The following TAFA2 variants were observed in gnomAD, a reference collection of about 807,000 sequenced individuals.
TAFA2 encodes chemokine-like protein TAFA-2.
Under a neutral mutation model 18.8 loss-of-function variants are expected in TAFA2, and 7 were observed. The observed-to-expected ratio is 0.37, with a 90% CI of 0.21 to 0.70. TAFA2 has a LOEUF of 0.70. Among genes scored for constraint, TAFA2 ranks in the 30% least tolerant of loss-of-function variants. TAFA2 has a pLI of 0.53. For missense variants in TAFA2, 122 were observed against 158.1 expected (o/e 0.77, Z 1.23); for synonymous variants, 60 against 54.2 (o/e 1.11, Z -0.47).
At chr12:61,876,551 C>G (rs1046881031) in intron 1 of TAFA2, among the ~76,000 whole-genome samples, 10 of 152,164 alleles carry the variant, frequency 6.6e-5, no homozygotes, top group Admixed American at 1.3e-4. Flanking sequence ...AAACATGGAA[C>G]CTCCTCCTCA....
At chr12:61,750,766 T>C (rs1398869597) in intron 4 of TAFA2, among the ~76,000 whole-genome samples, 2 of 152,154 alleles carry the variant, frequency 1.3e-5, no homozygotes, top group Admixed American at 6.6e-5. Context: ...GTGTACATTA[T>C]TGCATATTTT....
intron 1 of TAFA2, among the ~76,000 whole-genome samples, chr12:62,030,629 G>A (rs1881432371): frequency 6.6e-6 from 1 of 152,160 alleles, no homozygotes; most frequent in African/African-American, 2.4e-5. Flanking sequence ...GCAACCTTAG[G>A]GAGAGCCAGT....
chr12:62,016,712 G>A (rs1040968024), intron 1 of TAFA2, among the ~76,000 whole-genome samples: 5 of 152,074 alleles, frequency 3.3e-5, no homozygotes, highest in South Asian at 2.1e-4. Flanking sequence ...CATTCATACC[G>A]ATAGCAAAAC....
chr12:62,114,241 G>C (rs1307887618), intron 1 of TAFA2, among the ~76,000 whole-genome samples: 1 of 152,182 alleles, frequency 6.6e-6, no homozygotes, highest in East Asian at 1.9e-4. Context: ...TTGGCTAGGG[G>C]AGGGAGTTCC....
chr12:61,739,973 A>G (rs1052538836), intron 4 of TAFA2, among the ~76,000 whole-genome samples: 2 of 152,262 alleles, frequency 1.3e-5, no homozygotes, highest in South Asian at 4.1e-4. Flanking sequence ...AACTCTCCTC[A>G]CAATTACTCA....
chr12:61,719,310 A>G (rs553710687), intron 4 of TAFA2, among the ~76,000 whole-genome samples: 1 of 152,286 alleles, frequency 6.6e-6, no homozygotes, highest in South Asian at 2.1e-4. Context: ...GACATAAACA[A>G]TTGCCAGCCA....
In TAFA2 at chr12:61,710,037, G is replaced by C. The variant is rs1433999789; in HGVS notation, c.*369C>G. ...CAGGACAGAAGGACAGTGCACTTGG[G>C]ATACAGCTTGCAGAAACAAGAAAAG... is the stretch of plus-strand genomic sequence containing the variant. On this transcript the variant is annotated 3_prime_UTR_variant, in exon 5 of 5. Transcript: ENST00000416284. The C allele has an allele frequency of 8.5e-6, 2 of 234,032 alleles. No homozygotes were observed. Among genetic ancestry groups the C allele is most frequent in the African/African-American group, 4.6e-5 (2 of 43,690 alleles). The allele number at this position is 234,032 out of a possible 1,614,324, so 14.5% of individuals were successfully genotyped here.
At chr12:62,054,622 G>T (rs915705073) in intron 1 of TAFA2, among the ~76,000 whole-genome samples, 2 of 152,154 alleles carry the variant, frequency 1.3e-5, no homozygotes, top group Non-Finnish European at 2.9e-5. Context: ...AATAAAAATG[G>T]ATCAGTTCAT....
chr12:62,180,778 G>A (rs2062546826), intron 1 of TAFA2, among the ~76,000 whole-genome samples: 2 of 151,616 alleles, frequency 1.3e-5, no homozygotes, highest in African/African-American at 4.9e-5. Context: ...TGGTATCATG[G>A]TCAATAATGT....
At chr12:62,218,849 A>G (rs1328250391) in intron 1 of TAFA2, among the ~76,000 whole-genome samples, 3 of 152,200 alleles carry the variant, frequency 2.0e-5, no homozygotes, top group Non-Finnish European at 4.4e-5. Context: ...TCTATTTACC[A>G]AAGATATTCT....
intron 4 of TAFA2, among the ~76,000 whole-genome samples, chr12:61,723,976 C>T (rs1870021433): frequency 1.3e-5 from 2 of 152,056 alleles, no homozygotes; most frequent in South Asian, 4.1e-4. Context: ...TATGGTGGTG[C>T]AAATGAAATA....
At chr12:61,844,830 T>A (rs1226003819) in intron 2 of TAFA2, among the ~76,000 whole-genome samples, 1 of 152,168 alleles carries the variant, frequency 6.6e-6, no homozygotes, top group Non-Finnish European at 1.5e-5. Flanking sequence ...AGATGGTATG[T>A]TGTTGTCTGC....
intron 1 of TAFA2, among the ~76,000 whole-genome samples, chr12:61,906,116 C>A (rs1471473357): frequency 6.6e-6 from 1 of 152,108 alleles, no homozygotes; most frequent in Admixed American, 6.5e-5. Flanking sequence ...TTAGCAAATA[C>A]AAAAGAGCCA....
intron 1 of TAFA2, among the ~76,000 whole-genome samples, chr12:62,124,944 C>G (rs1372766273): frequency 6.6e-6 from 1 of 152,024 alleles, no homozygotes; most frequent in Non-Finnish European, 1.5e-5. Flanking sequence ...ATAGCCAGTG[C>G]AAAATGAAAA....
intron 1 of TAFA2, among the ~76,000 whole-genome samples, chr12:62,248,080 TA>T (rs2062895418): frequency 6.6e-6 from 1 of 152,152 alleles, no homozygotes. Context: ...CAGAATTTAT[TA>T]AAAGAAAGCT....
chr12:61,912,013 C>T (rs763336791), intron 1 of TAFA2, among the ~76,000 whole-genome samples: 3 of 152,198 alleles, frequency 2.0e-5, no homozygotes, highest in Non-Finnish European at 4.4e-5. Context: ...CCAGTGGAAC[C>T]TAATGATACT....
intron 1 of TAFA2, among the ~76,000 whole-genome samples, chr12:62,104,567 A>C (rs536290222): frequency 1.3e-5 from 2 of 152,372 alleles, no homozygotes; most frequent in Admixed American, 1.3e-4. Flanking sequence ...CCAAAATGGA[A>C]TGTGCATCAT....
At chr12:62,164,515 C>T (rs1331420167) in intron 1 of TAFA2, among the ~76,000 whole-genome samples, 1 of 152,080 alleles carries the variant, frequency 6.6e-6, no homozygotes, top group Admixed American at 6.6e-5. Flanking sequence ...CTAGTTAAGG[C>T]TCAGGCCTTA....
At chr12:61,909,013 G>C (rs1478437283) in intron 1 of TAFA2, among the ~76,000 whole-genome samples, 1 of 152,172 alleles carries the variant, frequency 6.6e-6, no homozygotes, top group Non-Finnish European at 1.5e-5. Context: ...GCGTGAAGGA[G>C]CCTGCACTTC....
Sources: allele counts gnomAD v4.1 joint callset (sites outside exome capture counted in the v4.1 genomes callset), GRCh38; gene constraint gnomAD v4.1.1; transcripts MANE v1.5; gene names NCBI Gene and HGNC (gene_info 2026-07-23, HGNC 2026-07-21).